C5AR2: variants seen among roughly 807,000 people sequenced by gnomAD.
The protein encoded by C5AR2 is complement C5a receptor 2.
For synonymous variants in C5AR2, 224 were observed against 216.5 expected, an observed-to-expected ratio of 1.03 and a Z score of -0.30; for missense variants, 458 against 467.5, an observed-to-expected ratio of 0.98 and a Z score of 0.19.
chr19:47,335,163 G>A (rs1354389020), intron 1 of C5AR2, among the ~76,000 whole-genome samples: 1 of 151,792 alleles, frequency 6.6e-6, no homozygotes, highest in African/African-American at 2.4e-5. Flanking sequence ...CCAAAGCGTT[G>A]GGATTACAGG....
At position 47,342,136 on chromosome 19, in the gene C5AR2, C is replaced by T. The variant is rs1221989170; in HGVS notation, c.*323C>T. On this transcript the variant is annotated 3_prime_UTR_variant, in exon 2 of 2. Transcript: ENST00000595464. ...TTGGGAGGCTGAGGCAGGTAGATCACTTGAGGTCAGGACTTCAAGACCAGC... is the reference window on the plus strand; with the variant it reads ...TTGGGAGGCTGAGGCAGGTAGATCATTTGAGGTCAGGACTTCAAGACCAGC... 4.0e-6 allele frequency: 1 copy of T among 251,068 alleles called. No individual in the cohort carries two copies. The highest frequency in any genetic ancestry group is 2.2e-5 in the African/African-American group (1 of 45,334). The allele number at this position is 251,068 out of a possible 1,614,324, so 15.6% of individuals were successfully genotyped here.
intron 1 of C5AR2, among the ~76,000 whole-genome samples, chr19:47,335,903 C>T (rs1411620279): frequency 6.7e-6 from 1 of 149,914 alleles, no homozygotes; most frequent in Non-Finnish European, 1.5e-5. Flanking sequence ...AGCAGCTAGC[C>T]TACGTATGAC....
rs1969124757 is a variant in C5AR2, at chr19:47,346,688, G to A, written c.*4875G>A. ...CCACTGCACTCCAGCCTGGGTGACA[G>A]AGCAAGACTCCGTCTAAAAAAAAAA... On this transcript the variant is annotated 3_prime_UTR_variant, in exon 2 of 2. Coordinates refer to ENST00000595464, the MANE Select transcript of C5AR2 (RefSeq NM_001271749.2). 1 of 151,726 alleles carries A rather than the reference G, an allele frequency of 6.6e-6. No homozygotes were observed. The highest frequency in any genetic ancestry group is 6.6e-5 in the Admixed American group (1 of 15,198). 9.4% of individuals were successfully genotyped at this position (151,726 alleles called of 1,614,324 possible).
At position 47,341,012 on chromosome 19, in the gene C5AR2, C is replaced by T. The variant is rs1227070604; in HGVS notation, c.213C>T (p.Thr71=). ...TGGCCCGCCGGAGGGTGGGTGCCAC[C>T]TGGTTGCTCCACCTGGCCGTGGCGG... is the stretch of plus-strand genomic sequence containing the variant. ...GKVARRRVGA[T]WLLHLAVADL... The change falls in exon 2 of 2, where the codon ACC becomes ACT. Residue 71 remains threonine (T), a synonymous_variant. Coordinates refer to ENST00000595464, the MANE Select transcript of C5AR2 (RefSeq NM_001271749.2). This position sits in a 1 kb window ranked among gnomAD's most constrained non-coding sequence, Gnocchi z 4.6. The T allele has an allele frequency of 6.2e-7, 1 of 1,609,168 alleles. No individual in the cohort carries two copies. The highest frequency in any genetic ancestry group is 8.5e-7 in the Non-Finnish European group (1 of 1,179,910).
rs796983292 is a variant in C5AR2, at chr19:47,343,007, G to C, written c.*1194G>C. The C allele has an allele frequency of 9.9e-5, 15 of 152,188 alleles. No individual in the cohort carries two copies. The highest frequency in any genetic ancestry group is 3.6e-4 in the African/African-American group (15 of 41,444). 9.4% of individuals were successfully genotyped at this position (152,188 alleles called of 1,614,324 possible). Reference sequence around the variant, plus strand: ...TCTTAATCCCCTGAACCTGTGAAGAGGTGACCTTCCATGGCAAAAGGGACT... The same window carrying C: ...TCTTAATCCCCTGAACCTGTGAAGACGTGACCTTCCATGGCAAAAGGGACT... On this transcript the variant is annotated 3_prime_UTR_variant, in exon 2 of 2. Coordinates refer to ENST00000595464, the MANE Select transcript of C5AR2 (RefSeq NM_001271749.2).
Position 47,341,471 on chromosome 19 carries a change from G to T in C5AR2, c.672G>T (p.Leu224=), listed in dbSNP as rs748307711. ...VAVASCHSAL[L]CWAARRCRPL... is the part of the protein sequence containing the mutation. The stretch of plus-strand genomic sequence containing the variant: ...TGGCCAGCTGCCACAGTGCCCTCCT[G>T]TGCTGGGCAGCCCGACGCTGCCGGC... Residue 224 remains leucine (L), a synonymous_variant, in exon 2 of 2, where the codon CTG becomes CTT. Transcript: ENST00000595464. This position sits in a 1 kb window ranked among gnomAD's most constrained non-coding sequence, Gnocchi z 4.6. 4 of 1,611,912 alleles carry T rather than the reference G, an allele frequency of 2.5e-6. No homozygotes were observed. The Admixed American group carries it at 6.7e-5, about 27-fold the overall frequency.
rs1969089199 is a variant in C5AR2 at position 47,344,384 on chromosome 19, C to G, written c.*2571C>G. On this transcript the variant is annotated 3_prime_UTR_variant, in exon 2 of 2. Transcript: ENST00000595464. The stretch of plus-strand genomic sequence containing the variant: ...TAAATAAATAACATAGTAGTGATAC[C>G]TGTGTCTGCGGTCATTACTCCAGAA... 6.6e-6 allele frequency: 1 copy of G among 152,080 alleles called. No homozygotes were observed. Among genetic ancestry groups the G allele is most frequent in the South Asian group, 2.1e-4 (1 of 4,830 alleles). The allele number at this position is 152,080 out of a possible 1,614,324, so 9.4% of individuals were successfully genotyped here.
intron 1 of C5AR2, among the ~76,000 whole-genome samples, chr19:47,336,478 TTCCTTCCTTCCTTTC>T (rs1255254730): frequency 2.2e-5 from 1 of 45,250 alleles, no homozygotes; most frequent in Non-Finnish European, 5.2e-5. Flanking sequence ...CCTTCCTTCC[TTCCTTCCTTCCTTTC>T]TTTCTTTCTT....
At chr19:47,337,793 A>C (rs1006971591) in intron 1 of C5AR2, among the ~76,000 whole-genome samples, 1 of 150,680 alleles carries the variant, frequency 6.6e-6, no homozygotes, top group African/African-American at 2.4e-5. Context: ...CAGTGAGGTC[A>C]GGCACGGTGG....
intron 1 of C5AR2, among the ~76,000 whole-genome samples, chr19:47,334,999 C>T (rs992919417): frequency 3.9e-5 from 6 of 152,030 alleles, no homozygotes; most frequent in African/African-American, 1.4e-4. Context: ...ATTCTCCTGC[C>T]TCGGCCTTCT....
rs112290646 is a variant in C5AR2, at chr19:47,341,785, A to G, written c.986A>G (p.His329Arg). The G allele has an allele frequency of 1.3e-3, 2,175 of 1,613,644 alleles. 32 individuals are homozygous for G. The African/African-American group carries it at 0.023, about 17-fold the overall frequency. Reference sequence around the variant, plus strand: ...GTGGACAGCAAGAAATCCACCAGCCATGACCTGGTCTCGGAGATGGAGGTG... The same window carrying G: ...GTGGACAGCAAGAAATCCACCAGCCGTGACCTGGTCTCGGAGATGGAGGTG... ...ESVDSKKSTS[H>R]DLVSEMEV is the part of the protein sequence containing the mutation. The change falls in exon 2 of 2, where the codon CAT becomes CGT. Residue 329 changes from histidine to arginine, a missense_variant. His to Arg is a conservative substitution (Grantham distance 29). Transcript: ENST00000595464. This position sits in a 1 kb window ranked among gnomAD's most constrained non-coding sequence, Gnocchi z 4.6.
At chr19:47,335,771 CAAAAAAA>C (rs768761019) in intron 1 of C5AR2, among the ~76,000 whole-genome samples, 3 of 23,034 alleles carry the variant, frequency 1.3e-4, no homozygotes, top group African/African-American at 6.3e-4. Flanking sequence ...TACTCCGTCT[CAAAAAAA>C]AAAAAAAAAA....
At chr19:47,332,700 G>T (rs969689078) in intron 1 of C5AR2, among the ~76,000 whole-genome samples, 3 of 152,016 alleles carry the variant, frequency 2.0e-5, no homozygotes, top group Admixed American at 1.3e-4. Flanking sequence ...GATTACAAGC[G>T]CATGCCACCA....
chr19:47,342,166 C>A lies in C5AR2; in HGVS notation c.*353C>A, dbSNP rs1969049913. The A allele has an allele frequency of 5.1e-6, 1 of 197,432 alleles. No homozygotes were observed. Among genetic ancestry groups the A allele is most frequent in the Non-Finnish European group, 1.1e-5 (1 of 94,354 alleles). The allele number at this position is 197,432 out of a possible 1,614,324, so 12.2% of individuals were successfully genotyped here. ...GGTCAGGACTTCAAGACCAGCCTAG[C>A]CAATATGGTGAAACCCTGTCTCTAC... On this transcript the variant is annotated 3_prime_UTR_variant, in exon 2 of 2. Transcript: ENST00000595464.
chr19:47,346,743 A>C lies in C5AR2; in HGVS notation c.*4930A>C, dbSNP rs553590811. The C allele has an allele frequency of 1.3e-5, 2 of 151,796 alleles. No individual in the cohort carries two copies. Among genetic ancestry groups the C allele is most frequent in the South Asian group, 4.2e-4 (2 of 4,810 alleles). The allele number at this position is 151,796 out of a possible 1,614,324, so 9.4% of individuals were successfully genotyped here. On this transcript the variant is annotated 3_prime_UTR_variant, in exon 2 of 2. Transcript: ENST00000595464. ...GTAAGAAAGAAGGAAAGACACAAAG[A>C]CAGAAAGAAGGAAGGAAAGAAAGCA...
chr19:47,338,223 C>T (rs1052258830), intron 1 of C5AR2, among the ~76,000 whole-genome samples: 2 of 151,266 alleles, frequency 1.3e-5, no homozygotes, highest in African/African-American at 2.4e-5. Context: ...TGCAGTGAGC[C>T]GTGATTGCAC....
Position 47,340,853 on chromosome 19 carries a change from C to A in C5AR2, c.54C>A (p.Asp18Glu). The change falls in exon 2 of 2, where the codon GAC becomes GAA. Residue 18 changes from aspartate (D) to glutamate (E), a missense_variant. Transcript: ENST00000595464. ...YEYGDYSDLS[D>E]RPVDCLDGAC... Reference sequence around the variant, plus strand: ...ATGGGGATTACAGCGACCTCTCGGACCGCCCTGTGGACTGCCTGGATGGCG... The same window carrying A: ...ATGGGGATTACAGCGACCTCTCGGAACGCCCTGTGGACTGCCTGGATGGCG... 1 of 1,613,646 alleles carries A rather than the reference C, an allele frequency of 6.2e-7. No homozygotes were observed. Among genetic ancestry groups the A allele is most frequent in the Non-Finnish European group, 8.5e-7 (1 of 1,179,998 alleles).
At position 47,340,053 on chromosome 19, in the gene C5AR2, C is replaced by T. The variant is rs548383956; in HGVS notation, c.-15-732C>T. On this transcript the variant is annotated intron_variant, in intron 1 of 1. Transcript: ENST00000595464. ...TCAAGCTCACTCAATCTCCTGGGCTCAAATGATTCTCCCACTTCAGCCTTT... is the reference window on the plus strand; with the variant it reads ...TCAAGCTCACTCAATCTCCTGGGCTTAAATGATTCTCCCACTTCAGCCTTT... Among the ~76,000 whole-genome samples, 15 of 151,774 alleles carry T rather than the reference C, an allele frequency of 9.9e-5. No individual in the cohort carries two copies. The East Asian group carries it at 2.9e-3, about 30-fold the overall frequency.
intron 1 of C5AR2, among the ~76,000 whole-genome samples, chr19:47,334,812 G>A (rs1274858677): frequency 4.0e-5 from 6 of 151,782 alleles, no homozygotes; most frequent in African/African-American, 1.2e-4. Context: ...TTGACCTCAC[G>A]GGCGTAGCCT....
Sources: allele counts gnomAD v4.1 joint callset (sites outside exome capture counted in the v4.1 genomes callset), GRCh38; gene constraint gnomAD v4.1.1; non-coding constraint Gnocchi (gnomAD v3.1); transcripts MANE v1.5; gene names NCBI Gene and HGNC (gene_info 2026-07-23, HGNC 2026-07-21).